The following PHC2 variants were observed in gnomAD, a reference collection of about 807,000 sequenced individuals.
PHC2 encodes the protein polyhomeotic-like protein 2.
PHC2 carries 29 observed loss-of-function variants against 87.4 expected under a neutral mutation model. That is an observed-to-expected ratio of 0.33 (90% CI 0.25 to 0.45). The LOEUF is 0.45. Ranked by LOEUF, PHC2 falls within the 20% of genes least tolerant of loss-of-function variation. The probability of loss-of-function intolerance (pLI) is 1.00; values close to 1 mark genes in which losing one functional copy is unlikely to be tolerated. For synonymous variants in PHC2, 438 were observed against 461.7 expected, an observed-to-expected ratio of 0.95 and a Z score of 0.66; for missense variants, 857 against 1,136.7, an observed-to-expected ratio of 0.75 and a Z score of 3.54.
At chr1:33,385,368 A>G (rs569567557) in intron 1 of PHC2, among the ~76,000 whole-genome samples, 2 of 152,328 alleles carry the variant, frequency 1.3e-5, no homozygotes, top group African/African-American at 4.8e-5. Context: ...GAGTTTAGAA[A>G]AGGGGAGAGA....
At chr1:33,343,203 C>T (rs889425777) in intron 9 of PHC2, among the ~76,000 whole-genome samples, 19 of 151,990 alleles carry the variant, frequency 1.3e-4, no homozygotes, top group African/African-American at 4.6e-4. Flanking sequence ...TGGCTCATGC[C>T]TGTAATCCTA....
intron 1 of PHC2, among the ~76,000 whole-genome samples, chr1:33,430,491 G>T (rs1055142614): frequency 3.9e-5 from 6 of 152,034 alleles, no homozygotes; most frequent in Non-Finnish European, 8.8e-5. Context: ...CCCGACGCCC[G>T]GGTCTCACCG....
At chr1:33,328,326 C>T (rs1035885650) in intron 14 of PHC2, among the ~76,000 whole-genome samples, 4 of 152,002 alleles carry the variant, frequency 2.6e-5, no homozygotes, top group Admixed American at 2.6e-4. Context: ...CTCCATCCAG[C>T]AAAGGCATAC....
chr1:33,341,840 C>A (rs1646751495), intron 9 of PHC2, among the ~76,000 whole-genome samples: 1 of 152,172 alleles, frequency 6.6e-6, no homozygotes, highest in African/African-American at 2.4e-5. Context: ...AATTATAGAC[C>A]CTTCCCACCT....
chr1:33,373,745 C>A (rs1200026615), intron 2 of PHC2, among the ~76,000 whole-genome samples: 1 of 152,106 alleles, frequency 6.6e-6, no homozygotes, highest in African/African-American at 2.4e-5. Flanking sequence ...TATTTTCTAC[C>A]CTTACCTCTG....
intron 1 of PHC2, among the ~76,000 whole-genome samples, chr1:33,390,928 A>C (rs911449552): frequency 6.6e-6 from 1 of 152,198 alleles, no homozygotes; most frequent in Non-Finnish European, 1.5e-5. Context: ...TGCATCAGCT[A>C]AAGTTTCATT....
rs1345631633 is a variant in PHC2, at chr1:33,369,075, C to A, written c.577-453G>T. ...CCCACTGCTGAACCCAGGGCTGAGC[C>A]AAGATGAGACTGCCCTCCAGGGGAT... On this transcript the variant is annotated intron_variant, in intron 5 of 14. Coordinates refer to ENST00000683057, the MANE Select transcript of PHC2 (RefSeq NM_001385109.1). This position sits in a 1 kb window ranked among gnomAD's most constrained non-coding sequence, Gnocchi z 4.7. Among the ~76,000 whole-genome samples, 2 of 152,196 alleles carry A rather than the reference C, an allele frequency of 1.3e-5. No individual in the cohort carries two copies. Among genetic ancestry groups the A allele is most frequent in the Non-Finnish European group, 2.9e-5 (2 of 68,024 alleles).
chr1:33,355,110 G>C lies in PHC2; in HGVS notation c.1120C>G (p.Pro374Ala). The change falls in exon 8 of 15, where the codon CCC becomes GCC. Residue 374 changes from proline (P) to alanine (A), a missense_variant. By Grantham distance (27) the Pro-to-Ala change is conservative. This residue lies in a region of PHC2 where 832 missense variants were observed against 1,081.8 expected (regional missense o/e 0.77). Transcript: ENST00000683057. ...QQSRPVLQAE[P>A]HPQLASVSPS... ...GAGACTGAGGCGAGCTGGGGGTGGG[G>C]CTCAGCTTGGAGCACAGGCCGTGAC... 1 of 1,610,914 alleles carries C rather than the reference G, an allele frequency of 6.2e-7. No homozygotes were observed. Among genetic ancestry groups the C allele is most frequent in the Non-Finnish European group, 8.5e-7 (1 of 1,178,812 alleles).
intron 1 of PHC2, among the ~76,000 whole-genome samples, chr1:33,388,200 A>G (rs1463512498): frequency 2.6e-5 from 4 of 152,184 alleles, no homozygotes; most frequent in African/African-American, 7.2e-5. Context: ...GAGGAGCTTC[A>G]TAGTTGGAGA....
At chr1:33,363,602 G>A (rs1647265600) in intron 7 of PHC2, 1 of 208,708 alleles carries the variant, frequency 4.8e-6, no homozygotes, top group Non-Finnish European at 8.3e-6. Flanking sequence ...TGAGACCTGA[G>A]GCGGGCTGAG....
chr1:33,429,859 G>C (rs575859132), intron 1 of PHC2, among the ~76,000 whole-genome samples: 2 of 152,348 alleles, frequency 1.3e-5, no homozygotes, highest in South Asian at 4.1e-4. Context: ...TGATTTAGAA[G>C]GAACGACTTT....
chr1:33,425,310 C>A (rs1650623509), intron 1 of PHC2, among the ~76,000 whole-genome samples: 1 of 152,160 alleles, frequency 6.6e-6, no homozygotes, highest in South Asian at 2.1e-4. Flanking sequence ...TAACCTTCAA[C>A]AACGATATAT....
chr1:33,335,998 T>TGTTGTTGTTGTTGTTGTTG (rs35270760), intron 9 of PHC2, among the ~76,000 whole-genome samples: 4 of 148,144 alleles, frequency 2.7e-5, no homozygotes, highest in African/African-American at 7.5e-5. Context: ...TTGTTGTTGT[T>TGTTGTTGTTGTTGTTGTTG]TTTTTTTTTA....
At chr1:33,371,314 A>G (rs1647818551) in intron 3 of PHC2, among the ~76,000 whole-genome samples, 1 of 151,062 alleles carries the variant, frequency 6.6e-6, no homozygotes, top group Non-Finnish European at 1.5e-5. Context: ...TGCTGAGAGG[A>G]CTGAATAAGG....
intron 9 of PHC2, among the ~76,000 whole-genome samples, chr1:33,337,755 A>G (rs143101458): frequency 1.4e-4 from 21 of 152,316 alleles, no homozygotes; most frequent in African/African-American, 4.6e-4. Flanking sequence ...AAAGGCTACA[A>G]ATTCGTAATC....
At chr1:33,399,065 G>T (rs1047236699) in intron 1 of PHC2, among the ~76,000 whole-genome samples, 4 of 152,170 alleles carry the variant, frequency 2.6e-5, no homozygotes, top group African/African-American at 9.7e-5. Flanking sequence ...TACTACAGAT[G>T]TACAAAGTGA....
intron 1 of PHC2, among the ~76,000 whole-genome samples, chr1:33,379,936 G>A (rs1023085525): frequency 1.1e-4 from 17 of 152,042 alleles, no homozygotes; most frequent in Non-Finnish European, 2.1e-4. Context: ...CTCTCCTGTC[G>A]CTTGTAGTCT....
intron 1 of PHC2, among the ~76,000 whole-genome samples, chr1:33,423,846 C>A (rs780540358): frequency 6.6e-6 from 1 of 151,990 alleles, no homozygotes; most frequent in African/African-American, 2.4e-5. Flanking sequence ...TGCCTGTAAT[C>A]CCAGCACTAT....
chr1:33,373,823 G>A (rs1478167557), intron 2 of PHC2, among the ~76,000 whole-genome samples: 1 of 152,056 alleles, frequency 6.6e-6, no homozygotes, highest in Non-Finnish European at 1.5e-5. Context: ...TTGCCAGAAC[G>A]GGGCCCAGGG....
Sources: allele counts gnomAD v4.1 joint callset (sites outside exome capture counted in the v4.1 genomes callset), GRCh38; gene constraint gnomAD v4.1.1; regional missense constraint gnomAD v4.1.1; non-coding constraint Gnocchi (gnomAD v3.1); transcripts MANE v1.5; gene names NCBI Gene and HGNC (gene_info 2026-07-23, HGNC 2026-07-21).